Variants in TMTC2 observed in about 807,000 individuals in gnomAD.
The protein encoded by TMTC2 is transmembrane O-mannosyltransferase targeting cadherins 2, also known as protein O-mannosyl-transferase TMTC2.
Under a neutral mutation model 82.4 loss-of-function variants are expected in TMTC2, and 43 were observed. That is an observed-to-expected ratio of 0.52 (90% CI 0.41 to 0.67). The LOEUF is 0.67. Ranked by LOEUF, TMTC2 falls within the 30% of genes least tolerant of loss-of-function variation. TMTC2 has a pLI of 0.00. For synonymous variants in TMTC2, 408 were observed against 381.9 expected (o/e 1.07, Z -0.80); for missense variants, 919 against 1,012.4 (o/e 0.91, Z 1.25).
intron 3 of TMTC2, among the ~76,000 whole-genome samples, chr12:82,915,633 A>G (rs1422729185): frequency 6.6e-6 from 1 of 152,196 alleles, no homozygotes; most frequent in African/African-American, 2.4e-5. Context: ...TTAAGGGAGA[A>G]AATGGATTCT....
At chr12:82,873,047 T>C (rs1397966091) in intron 2 of TMTC2, among the ~76,000 whole-genome samples, 7 of 152,222 alleles carry the variant, frequency 4.6e-5, no homozygotes, top group Non-Finnish European at 8.8e-5. Context: ...TAGTTTTTAA[T>C]ACTTTTATTG....
Position 82,943,795 on chromosome 12 carries a change from C to A in TMTC2, c.1598+13250C>A, listed in dbSNP as rs1390316062. Among the ~76,000 whole-genome samples the A allele has an allele frequency of 2.6e-5, 4 of 152,192 alleles. No individual in the cohort carries two copies. In the East Asian group the frequency reaches 7.7e-4, roughly 29 times the overall value. On this transcript the variant is annotated intron_variant, in intron 4 of 11. Coordinates refer to ENST00000321196, the MANE Select transcript of TMTC2 (RefSeq NM_152588.3). ...TAATTTATTCAACAAATACTGAGTA[C>A]CTTCAGAGTGATAGACATCATATTA... is the stretch of plus-strand genomic sequence containing the variant.
intron 1 of TMTC2, among the ~76,000 whole-genome samples, chr12:82,701,088 A>G (rs755267952): frequency 7.2e-5 from 11 of 152,202 alleles, no homozygotes; most frequent in Non-Finnish European, 1.3e-4. Context: ...TATGGGAGCT[A>G]CAATTCAAGA....
At chr12:83,032,815 C>T (rs1453536588) in intron 9 of TMTC2, among the ~76,000 whole-genome samples, 3 of 152,158 alleles carry the variant, frequency 2.0e-5, no homozygotes, top group Admixed American at 6.5e-5. Flanking sequence ...CCTGCTTTGG[C>T]CTCCCAAATT....
intron 4 of TMTC2, among the ~76,000 whole-genome samples, chr12:82,954,751 A>C (rs1217248616): frequency 6.6e-6 from 1 of 152,216 alleles, no homozygotes; most frequent in African/African-American, 2.4e-5. Flanking sequence ...AAGAGGCGAA[A>C]GGCCACTTTA....
At chr12:82,771,043 C>G (rs894887490) in intron 1 of TMTC2, among the ~76,000 whole-genome samples, 1 of 151,936 alleles carries the variant, frequency 6.6e-6, no homozygotes, top group Admixed American at 6.6e-5. Context: ...CCTGTCTCTA[C>G]TAAAAATACA....
chr12:82,727,108 A>C (rs977245661), intron 1 of TMTC2, among the ~76,000 whole-genome samples: 1 of 146,118 alleles, frequency 6.8e-6, no homozygotes, highest in Non-Finnish European at 1.5e-5. Context: ...AAACTAATTG[A>C]AAAAAAAAAC....
At chr12:82,843,410 C>T (rs1870453840) in intron 1 of TMTC2, among the ~76,000 whole-genome samples, 1 of 151,984 alleles carries the variant, frequency 6.6e-6, no homozygotes, top group Non-Finnish European at 1.5e-5. Flanking sequence ...CCAGTGTCCA[C>T]ATCCATATCC....
chr12:82,722,439 C>A (rs1466910866), intron 1 of TMTC2, among the ~76,000 whole-genome samples: 1 of 147,716 alleles, frequency 6.8e-6, no homozygotes, highest in Non-Finnish European at 1.5e-5. Context: ...TGGTGGTGGG[C>A]GCCTGTAGTC....
At chr12:83,076,916 A>G (rs1883299997) in intron 11 of TMTC2, among the ~76,000 whole-genome samples, 1 of 152,194 alleles carries the variant, frequency 6.6e-6, no homozygotes, top group South Asian at 2.1e-4. Flanking sequence ...AGACAAATAA[A>G]CATTAGGCAC....
chr12:83,110,143 C>A (rs1419532642), intron 11 of TMTC2, among the ~76,000 whole-genome samples: 12 of 152,212 alleles, frequency 7.9e-5, no homozygotes, highest in Admixed American at 7.9e-4. Flanking sequence ...TCACGTCTAA[C>A]CATCTATTAA....
chr12:82,810,625 G>A (rs770767880), intron 1 of TMTC2, among the ~76,000 whole-genome samples: 1 of 152,004 alleles, frequency 6.6e-6, no homozygotes, highest in Non-Finnish European at 1.5e-5. Flanking sequence ...GCAGGAAATA[G>A]TTATTGTGCA....
intron 10 of TMTC2, among the ~76,000 whole-genome samples, chr12:83,056,012 T>C (rs1048724049): frequency 6.6e-6 from 1 of 151,986 alleles, no homozygotes; most frequent in South Asian, 2.1e-4. Flanking sequence ...GGCTCCCTTA[T>C]ATTTTACACC....
chr12:83,016,598 G>A (rs963993856), intron 8 of TMTC2, among the ~76,000 whole-genome samples: 1 of 152,178 alleles, frequency 6.6e-6, no homozygotes, highest in African/African-American at 2.4e-5. Context: ...TGCACACAAT[G>A]CCAGGCATAT....
intron 2 of TMTC2, among the ~76,000 whole-genome samples, chr12:82,886,146 G>C (rs1014416192): frequency 6.6e-6 from 1 of 152,060 alleles, no homozygotes. Flanking sequence ...GGGTTCCTGT[G>C]TCTCTTTCAC....
chr12:82,848,905 G>C (rs1870823218), intron 1 of TMTC2, among the ~76,000 whole-genome samples: 1 of 152,122 alleles, frequency 6.6e-6, no homozygotes, highest in East Asian at 1.9e-4. Flanking sequence ...AGCATATTTG[G>C]AAAGATGTAA....
At position 82,761,860 on chromosome 12, in the gene TMTC2, G is replaced by A. The variant is rs527448098; in HGVS notation, c.83+74191G>A. 1.3e-4 allele frequency among the ~76,000 whole-genome samples: 14 copies of A among 110,128 alleles called. No homozygotes were observed. The South Asian group carries it at 2.3e-3, about 18-fold the overall frequency. The allele number at this position is 110,128 out of a possible 152,430, so 72.2% of individuals were successfully genotyped here. A position where few individuals can be genotyped will look rare whatever the true frequency, so the allele number is the denominator to read the frequency against. Reference sequence around the variant, plus strand: ...CTACTCTGGAAAATATTCATTGACTGTTTCTCTTTCTCTCTTTCTTTCTTT... The same window carrying A: ...CTACTCTGGAAAATATTCATTGACTATTTCTCTTTCTCTCTTTCTTTCTTT... On this transcript the variant is annotated intron_variant, in intron 1 of 11. Transcript: ENST00000321196.
At chr12:82,844,650 A>C (rs1870533864) in intron 1 of TMTC2, among the ~76,000 whole-genome samples, 1 of 151,796 alleles carries the variant, frequency 6.6e-6, no homozygotes, top group South Asian at 2.1e-4. Flanking sequence ...AAAATACAAA[A>C]AGTTAGCTGC....
intron 1 of TMTC2, among the ~76,000 whole-genome samples, chr12:82,761,127 G>A (rs937397167): frequency 1.3e-5 from 2 of 152,126 alleles, no homozygotes; most frequent in Non-Finnish European, 2.9e-5. Flanking sequence ...AGTAAGGAGT[G>A]TGGGGTTTAG....
Sources: allele counts gnomAD v4.1 joint callset (sites outside exome capture counted in the v4.1 genomes callset), GRCh38; gene constraint gnomAD v4.1.1; transcripts MANE v1.5; gene names NCBI Gene and HGNC (gene_info 2026-07-23, HGNC 2026-07-21).